Variants in DLG2 observed in about 807,000 individuals in gnomAD.
The protein encoded by DLG2 is discs large MAGUK scaffold protein 2.
In DLG2, 45 loss-of-function variants were observed where a neutral mutation model predicts 132.5. That is an observed-to-expected ratio of 0.34 (90% CI 0.27 to 0.44). The LOEUF is 0.44. Ranked by LOEUF, DLG2 falls within the 20% of genes least tolerant of loss-of-function variation. The pLI is 1.00. For synonymous variants in DLG2, 424 were observed against 419.6 expected (o/e 1.01, Z -0.13); for missense variants, 1,045 against 1,196.9 (o/e 0.87, Z 1.87).
chr11:83,573,813 T>C (rs1391641052), intron 19 of DLG2, among the ~76,000 whole-genome samples: 3 of 152,164 alleles, frequency 2.0e-5, no homozygotes, highest in African/African-American at 7.2e-5. Flanking sequence ...CAATACAGGA[T>C]AACTACATGT....
At chr11:84,012,454 T>C (rs1456943723) in intron 11 of DLG2, among the ~76,000 whole-genome samples, 1 of 152,150 alleles carries the variant, frequency 6.6e-6, no homozygotes, top group Non-Finnish European at 1.5e-5. Context: ...CACTGTTGGG[T>C]CATTCGATGG....
chr11:84,603,313 A>C (rs1256450982), intron 6 of DLG2, among the ~76,000 whole-genome samples: 1 of 151,992 alleles, frequency 6.6e-6, no homozygotes, highest in African/African-American at 2.4e-5. Context: ...GACATTCCAT[A>C]TATATTTCTA....
At chr11:83,899,500 G>A (rs1457432099) in intron 15 of DLG2, among the ~76,000 whole-genome samples, 1 of 152,206 alleles carries the variant, frequency 6.6e-6, no homozygotes, top group East Asian at 1.9e-4. Context: ...TGTTGTGGGA[G>A]GGACCTGGTG....
At chr11:85,484,588 A>C (rs1222065148) in intron 3 of DLG2, among the ~76,000 whole-genome samples, 1 of 152,130 alleles carries the variant, frequency 6.6e-6, no homozygotes, top group East Asian at 1.9e-4. Context: ...GCAGCCAAAA[A>C]ACACATGAAA....
At chr11:84,826,561 C>A (rs2078350041) in intron 6 of DLG2, among the ~76,000 whole-genome samples, 1 of 151,922 alleles carries the variant, frequency 6.6e-6, no homozygotes, top group Admixed American at 6.6e-5. Flanking sequence ...TATTATTTCT[C>A]AGCAAGCTAT....
At chr11:84,600,391 T>C (rs1261179597) in intron 6 of DLG2, among the ~76,000 whole-genome samples, 1 of 152,092 alleles carries the variant, frequency 6.6e-6, no homozygotes, top group Non-Finnish European at 1.5e-5. Flanking sequence ...CATTTATTAT[T>C]ATTAACTTGT....
At chr11:83,965,982 T>C (rs2090099514) in intron 12 of DLG2, among the ~76,000 whole-genome samples, 1 of 152,034 alleles carries the variant, frequency 6.6e-6, no homozygotes, top group African/African-American at 2.4e-5. Context: ...GAGCATTATG[T>C]TGCATGACTA....
intron 3 of DLG2, among the ~76,000 whole-genome samples, chr11:85,459,348 G>A (rs1158812308): frequency 6.6e-6 from 1 of 152,162 alleles, no homozygotes; most frequent in South Asian, 2.1e-4. Flanking sequence ...TCACAGGGAT[G>A]AGCGACCAGG....
At chr11:83,601,616 A>G (rs1473910305) in intron 19 of DLG2, among the ~76,000 whole-genome samples, 1 of 135,680 alleles carries the variant, frequency 7.4e-6, no homozygotes, top group Non-Finnish European at 1.5e-5. Flanking sequence ...GGCTTAAACC[A>G]TTCTTCCACC....
At chr11:83,877,857 T>C (rs1056472021) in intron 15 of DLG2, among the ~76,000 whole-genome samples, 2 of 152,228 alleles carry the variant, frequency 1.3e-5, no homozygotes, top group South Asian at 4.1e-4. Context: ...TGTTTGGAGC[T>C]ACCTGATGGT....
intron 18 of DLG2, among the ~76,000 whole-genome samples, chr11:83,770,614 AT>A (rs986733129): frequency 6.2e-4 from 94 of 151,482 alleles, no homozygotes; most frequent in African/African-American, 1.9e-3. Context: ...AAGTGCGCTT[AT>A]TTTTTTTTCT....
At chr11:85,201,970 G>T (rs2081500005) in intron 4 of DLG2, among the ~76,000 whole-genome samples, 1 of 151,602 alleles carries the variant, frequency 6.6e-6, no homozygotes, top group South Asian at 2.1e-4. Flanking sequence ...ATCAACAACA[G>T]AAATAAAACA....
At chr11:83,628,292 C>A (rs1434312700) in intron 19 of DLG2, among the ~76,000 whole-genome samples, 13 of 152,162 alleles carry the variant, frequency 8.5e-5, no homozygotes, top group Non-Finnish European at 1.5e-5. Flanking sequence ...TTACTATACT[C>A]ATCTTCACAG....
At chr11:85,152,935 A>G (rs2152456777) in intron 5 of DLG2, among the ~76,000 whole-genome samples, 1 of 152,340 alleles carries the variant, frequency 6.6e-6, no homozygotes, top group Middle Eastern at 3.4e-3. Flanking sequence ...CAGAAAACAG[A>G]GTCTAGCCAA....
chr11:84,354,507 T>C (rs1356548273), intron 7 of DLG2, among the ~76,000 whole-genome samples: 1 of 152,166 alleles, frequency 6.6e-6, no homozygotes, highest in Non-Finnish European at 1.5e-5. Context: ...AACTTTGTTG[T>C]CAGGGATGAG....
chr11:85,148,223 T>A (rs1292713749), intron 5 of DLG2, among the ~76,000 whole-genome samples: 2 of 152,240 alleles, frequency 1.3e-5, no homozygotes, highest in Non-Finnish European at 2.9e-5. Context: ...TACATGTGCA[T>A]GTATCTTTAT....
intron 4 of DLG2, among the ~76,000 whole-genome samples, chr11:85,185,699 C>T (rs2080043518): frequency 6.6e-6 from 1 of 151,818 alleles, no homozygotes; most frequent in Non-Finnish European, 1.5e-5. Context: ...CCTTTGTCCT[C>T]ATAACACCCT....
chr11:84,844,643 A>G (rs971110286), intron 6 of DLG2, among the ~76,000 whole-genome samples: 1 of 151,970 alleles, frequency 6.6e-6, no homozygotes, highest in Non-Finnish European at 1.5e-5. Flanking sequence ...TTCCCATACC[A>G]GTTGTCTTAT....
chr11:84,066,235 AAAT>A (rs1444918725), intron 10 of DLG2, among the ~76,000 whole-genome samples: 1 of 152,212 alleles, frequency 6.6e-6, no homozygotes, highest in Non-Finnish European at 1.5e-5. Context: ...AAAAAGAAAA[AAAT>A]AATAAATGCA....
Sources: gnomAD v4.1 joint callset for allele counts (sites outside exome capture counted in the v4.1 genomes callset) on GRCh38, gnomAD v4.1.1 for gene constraint, MANE v1.5 for transcripts, NCBI Gene and HGNC (gene_info 2026-07-23, HGNC 2026-07-21) for gene names.